Variants in NBAS observed in about 807,000 individuals in gnomAD.
NBAS encodes NBAS subunit of NRZ tethering complex, also known as NAG/BC035112 fusion.
In NBAS, 219 loss-of-function variants were observed where a neutral mutation model predicts 302.5. The ratio of observed to expected loss-of-function variants is 0.72; its 90% CI spans 0.65 to 0.81. The LOEUF is 0.81. NBAS is among the 30% of genes least tolerant of loss of function. The probability of loss-of-function intolerance (pLI) is 0.00; values close to 1 mark genes in which losing one functional copy is unlikely to be tolerated. For missense variants in NBAS, 2,932 were observed against 2,841.6 expected, an observed-to-expected ratio of 1.03 and a Z score of -0.72; for synonymous variants, 1,118 against 1,021.6, an observed-to-expected ratio of 1.09 and a Z score of -1.80.
the NBAS span, among the ~76,000 whole-genome samples, chr2:14,860,815 T>C: frequency 6.6e-6 from 1 of 152,106 alleles, no homozygotes; most frequent in African/African-American, 2.4e-5. Flanking sequence ...CTGAGGTAGA[T>C]TTCAAAATAG....
rs149975443 is a variant in NBAS, at chr2:15,470,789, G to A, written c.1726-2256C>T. On this transcript the variant is annotated intron_variant, in intron 16 of 51. Coordinates refer to ENST00000281513, the MANE Select transcript of NBAS (RefSeq NM_015909.4). ...GTTATTTTTAATATGGTGAACCCCC[G>A]TCTCTACTAAAAATACAAAAATTAG... 7.2e-5 allele frequency among the ~76,000 whole-genome samples: 11 copies of A among 151,974 alleles called. No homozygotes were observed. The East Asian group carries it at 9.7e-4, about 13-fold the overall frequency.
At chr2:15,252,629 G>GA (rs1417678758) in intron 44 of NBAS, among the ~76,000 whole-genome samples, 1 of 151,936 alleles carries the variant, frequency 6.6e-6, no homozygotes, top group African/African-American at 2.4e-5. Context: ...ACAGAGTGAG[G>GA]TGGAAAAAAT....
rs138585505 is a variant in NBAS at position 15,404,652 on chromosome 2, A to G, written c.2938-2351T>C. Among the ~76,000 whole-genome samples the G allele has an allele frequency of 5.2e-3, 783 of 152,008 alleles. 9 individuals are homozygous for G. The highest frequency in any genetic ancestry group is 0.018 in the African/African-American group (758 of 41,444). On this transcript the variant is annotated intron_variant, in intron 25 of 51. Coordinates refer to ENST00000281513, the MANE Select transcript of NBAS (RefSeq NM_015909.4). Reference sequence around the variant, plus strand: ...CTCGGCGTCCTGAGTAGCTGGGATTACAGGTGCCCACAATCACATCTGGCT... The same window carrying G: ...CTCGGCGTCCTGAGTAGCTGGGATTGCAGGTGCCCACAATCACATCTGGCT...
the NBAS span, among the ~76,000 whole-genome samples, chr2:15,016,724 T>C: frequency 2.6e-5 from 4 of 152,256 alleles, no homozygotes; most frequent in South Asian, 2.1e-4. Flanking sequence ...CTTCAAAAGA[T>C]ACTAAAACGC....
the NBAS span, among the ~76,000 whole-genome samples, chr2:14,910,045 TTC>T: frequency 1.3e-5 from 2 of 152,192 alleles, no homozygotes; most frequent in Admixed American, 1.3e-4. Flanking sequence ...CCTGGAGACT[TTC>T]ATCTCCACAG....
At chr2:15,339,688 T>A (rs1291876178) in intron 35 of NBAS, among the ~76,000 whole-genome samples, 2 of 152,160 alleles carry the variant, frequency 1.3e-5, no homozygotes, top group Non-Finnish European at 2.9e-5. Flanking sequence ...TTTATACATA[T>A]TGATATGGGC....
the NBAS span, among the ~76,000 whole-genome samples, chr2:15,135,714 G>A: frequency 2.6e-5 from 4 of 152,018 alleles, no homozygotes; most frequent in African/African-American, 9.7e-5. Context: ...CAAAGAGAGT[G>A]TAACTCCCCC....
the NBAS span, among the ~76,000 whole-genome samples, chr2:14,843,471 G>A: frequency 6.6e-6 from 1 of 151,946 alleles, no homozygotes; most frequent in Admixed American, 6.6e-5. Flanking sequence ...CAATAAAGTT[G>A]AGAGGTAGAG....
intron 12 of NBAS, among the ~76,000 whole-genome samples, chr2:15,480,060 G>GCC (rs1680361267): frequency 6.6e-6 from 1 of 152,150 alleles, no homozygotes; most frequent in Non-Finnish European, 1.5e-5. Context: ...ACATATTGGG[G>GCC]CCAGGCATGG....
chr2:15,424,497 A>T, intron 22 of NBAS, 29 bp from the exon 23 acceptor site: 1 of 1,612,546 alleles, frequency 6.2e-7, no homozygotes, highest in African/African-American at 1.3e-5. Context: ...CCAATTAATA[A>T]CTGACTAGAA....
At chr2:14,864,276 G>A in the NBAS span, among the ~76,000 whole-genome samples, 2 of 146,652 alleles carry the variant, frequency 1.4e-5, no homozygotes, top group African/African-American at 5.1e-5. Flanking sequence ...AGCTGAGATT[G>A]CATCACTGCA....
intron 48 of NBAS, among the ~76,000 whole-genome samples, chr2:15,193,137 G>T (rs1665441799): frequency 6.6e-6 from 1 of 152,112 alleles, no homozygotes; most frequent in Non-Finnish European, 1.5e-5. Flanking sequence ...TTTCTCACAT[G>T]TAGTCTTTTT....
At chr2:15,237,506 A>G (rs935473615) in intron 45 of NBAS, among the ~76,000 whole-genome samples, 1 of 151,980 alleles carries the variant, frequency 6.6e-6, no homozygotes, top group Non-Finnish European at 1.5e-5. Context: ...GTGTAGACAT[A>G]AAAGGCTATT....
chr2:15,317,161 C>G (rs1027289917), intron 38 of NBAS, among the ~76,000 whole-genome samples: 9 of 152,314 alleles, frequency 5.9e-5, no homozygotes, highest in Admixed American at 5.9e-4. Flanking sequence ...AGGAACCTGA[C>G]TCTTAGAAGG....
the NBAS span, among the ~76,000 whole-genome samples, chr2:14,955,405 G>A: frequency 6.6e-6 from 1 of 152,168 alleles, no homozygotes. Flanking sequence ...TACCATTCTG[G>A]GGTCTGGAGG....
chr2:15,188,428 A>ACAG (rs1259286047), intron 49 of NBAS, among the ~76,000 whole-genome samples: 1 of 152,202 alleles, frequency 6.6e-6, no homozygotes, highest in Non-Finnish European at 1.5e-5. Flanking sequence ...AATATTCAAA[A>ACAG]GTACTTCTGA....
At chr2:15,353,089 G>A (rs1387969724) in intron 34 of NBAS, among the ~76,000 whole-genome samples, 1 of 152,092 alleles carries the variant, frequency 6.6e-6, no homozygotes, top group Non-Finnish European at 1.5e-5. Flanking sequence ...CTCCACAGGG[G>A]CACTATCCTC....
At chr2:15,207,237 T>A (rs964294355) in intron 48 of NBAS, among the ~76,000 whole-genome samples, 1 of 152,202 alleles carries the variant, frequency 6.6e-6, no homozygotes, top group African/African-American at 2.4e-5. Context: ...ATGACTGCCC[T>A]GTTGGGTTTC....
the NBAS span, among the ~76,000 whole-genome samples, chr2:15,058,606 C>T: frequency 1.1e-4 from 16 of 152,268 alleles, no homozygotes; most frequent in East Asian, 2.7e-3. Flanking sequence ...ACTCACCCAG[C>T]TTATTCTAAT....
Sources: allele counts gnomAD v4.1 joint callset (sites outside exome capture counted in the v4.1 genomes callset), GRCh38; gene constraint gnomAD v4.1.1; transcripts MANE v1.5; gene names NCBI Gene and HGNC (gene_info 2026-07-23, HGNC 2026-07-21).